The following BLOC1S3 variants were observed in gnomAD, a reference collection of about 807,000 sequenced individuals.
BLOC1S3 encodes the protein biogenesis of lysosome-related organelles complex 1 subunit 3.
BLOC1S3 carries 7 observed loss-of-function variants against 9.1 expected under a neutral mutation model. That is an observed-to-expected ratio of 0.77 (90% CI 0.44 to 1.45). The LOEUF (loss-of-function observed/expected upper bound fraction) is 1.45, where lower values mean the gene tolerates loss of function less well. Among genes scored for constraint, BLOC1S3 ranks in the 40% most tolerant of loss-of-function variants. The pLI is 0.01. For synonymous variants in BLOC1S3, 145 were observed against 158.4 expected, an observed-to-expected ratio of 0.92 and a Z score of 0.64; for missense variants, 307 against 315.2, an observed-to-expected ratio of 0.97 and a Z score of 0.20.
chr19:45,197,036 C>A (rs1156583218), intron 2 of BLOC1S3, among the ~76,000 whole-genome samples: 1 of 151,876 alleles, frequency 6.6e-6, no homozygotes, highest in Non-Finnish European at 1.5e-5. Context: ...GTTTCCTGGG[C>A]ACAGGGACCC....
At chr19:45,185,094 A>G (rs576295987), downstream of BLOC1S3, among the ~76,000 whole-genome samples, 2 of 152,064 alleles carry the variant, frequency 1.3e-5, no homozygotes, top group South Asian at 4.1e-4. Flanking sequence ...ATTGTCCTGC[A>G]GTAGGTAAGA....
intron 2 of BLOC1S3, among the ~76,000 whole-genome samples, chr19:45,195,157 C>A (rs1441513731): frequency 3.3e-5 from 5 of 152,054 alleles, no homozygotes; most frequent in Non-Finnish European, 7.4e-5. Flanking sequence ...GATCCACCCA[C>A]CTCTGCCTCC....
intron 2 of BLOC1S3, among the ~76,000 whole-genome samples, chr19:45,188,031 A>T (rs1969578210): frequency 1.3e-5 from 2 of 151,030 alleles, no homozygotes; most frequent in Admixed American, 6.6e-5. Context: ...CCAATTACAC[A>T]TTTTTTTTTG....
At chr19:45,203,080 C>T (rs910873692) in intron 3 of BLOC1S3, among the ~76,000 whole-genome samples, 1 of 151,684 alleles carries the variant, frequency 6.6e-6, no homozygotes, top group East Asian at 1.9e-4. Context: ...AGGAAGGAGT[C>T]TCTCCCGGAA....
intron 3 of BLOC1S3, chr19:45,213,031 C>T (rs1568478148): frequency 7.6e-6 from 11 of 1,451,676 alleles, no homozygotes; most frequent in Non-Finnish European, 9.0e-6. Context: ...TTGTCAGCAG[C>T]ATAGATGGGG....
At chr19:45,198,048 A>G (rs1413287865) in intron 2 of BLOC1S3, among the ~76,000 whole-genome samples, 1 of 152,032 alleles carries the variant, frequency 6.6e-6, no homozygotes, top group Non-Finnish European at 1.5e-5. Flanking sequence ...CAGAAAATTG[A>G]GAAGAGATAA....
chr19:45,215,880 G>A (rs115906914), intron 3 of BLOC1S3, among the ~76,000 whole-genome samples: 3,940 of 152,248 alleles, frequency 0.026, 186 homozygotes, highest in African/African-American at 0.09. Flanking sequence ...TGGCGGTGGC[G>A]GCGGAGGCAG....
chr19:45,190,370 C>T (rs1969595373), intron 2 of BLOC1S3, among the ~76,000 whole-genome samples: 1 of 151,340 alleles, frequency 6.6e-6, no homozygotes, highest in Non-Finnish European at 1.5e-5. Context: ...CTCTCTCTCT[C>T]TCTCTCCCCC....
intron 2 of BLOC1S3, among the ~76,000 whole-genome samples, chr19:45,196,353 G>C (rs1430602345): frequency 6.6e-6 from 1 of 152,132 alleles, no homozygotes; most frequent in Non-Finnish European, 1.5e-5. Flanking sequence ...AGTCTAGCCT[G>C]GGTGACATAG....
intron 3 of BLOC1S3, among the ~76,000 whole-genome samples, chr19:45,210,542 GC>G (rs1299740726): frequency 6.6e-6 from 1 of 150,826 alleles, no homozygotes; most frequent in Non-Finnish European, 1.5e-5. Flanking sequence ...CACATGATCC[GC>G]CCACCTCGGC....
At chr19:45,182,915 A>G (rs1367208789), downstream of BLOC1S3, among the ~76,000 whole-genome samples, 1 of 152,064 alleles carries the variant, frequency 6.6e-6, no homozygotes, top group Non-Finnish European at 1.5e-5. Flanking sequence ...CACCTGACCT[A>G]ATCTGGGCGG....
downstream of BLOC1S3, among the ~76,000 whole-genome samples, chr19:45,183,456 A>G (rs369764518): frequency 8.0e-5 from 12 of 149,546 alleles, no homozygotes; most frequent in African/African-American, 3.0e-4. Flanking sequence ...AGCCCAGGGG[A>G]CAGAGCAAGA....
chr19:45,206,534 C>T lies in BLOC1S3; in HGVS notation n.282+4027C>T, dbSNP rs532787831. Among the ~76,000 whole-genome samples, 5 of 127,824 alleles carry T rather than the reference C, an allele frequency of 3.9e-5. No individual in the cohort carries two copies. The East Asian group carries it at 1.3e-3, about 33-fold the overall frequency. The allele number at this position is 127,824 out of a possible 152,430, so 83.9% of individuals were successfully genotyped here. A position where few individuals can be genotyped will look rare whatever the true frequency, so the allele number is the denominator to read the frequency against. On this transcript the variant is annotated intron_variant and non_coding_transcript_variant, in intron 3 of 3. Coordinates refer to the BLOC1S3 transcript ENST00000591569. ...GCAGTGGTGTGATCATGGCTCACTTCTGCCTCGAACTCCTGGACAAAAGTG... is the reference window on the plus strand; with the variant it reads ...GCAGTGGTGTGATCATGGCTCACTTTTGCCTCGAACTCCTGGACAAAAGTG...
downstream of BLOC1S3, among the ~76,000 whole-genome samples, chr19:45,186,175 G>T (rs1390041852): frequency 6.6e-6 from 1 of 152,004 alleles, no homozygotes; most frequent in Non-Finnish European, 1.5e-5. Context: ...GGTGAGACTG[G>T]GTCTGTCCTG....
At chr19:45,194,660 C>T (rs1969633882) in intron 2 of BLOC1S3, among the ~76,000 whole-genome samples, 1 of 152,086 alleles carries the variant, frequency 6.6e-6, no homozygotes, top group African/African-American at 2.4e-5. Flanking sequence ...TTCTGCTGTA[C>T]ACAACATGAA....
chr19:45,212,860 A>G (rs929167542), intron 3 of BLOC1S3: 7 of 516,028 alleles, frequency 1.4e-5, no homozygotes, highest in Non-Finnish European at 2.2e-5. Flanking sequence ...TCAGCCTCCC[A>G]AAGTGTTGGG....
chr19:45,211,737 G>A lies in BLOC1S3; in HGVS notation n.283-4939G>A, dbSNP rs73939817. ...CCTCCCCAAGTTCAAATGTGCATGC[G>A]TGAAGTTCCAAACCCAGCCCCAGTG... On this transcript the variant is annotated intron_variant and non_coding_transcript_variant, in intron 3 of 3. Transcript: ENST00000591569. Among the ~76,000 whole-genome samples the A allele has an allele frequency of 7.7e-3, 1,171 of 151,530 alleles. 12 individuals carry two copies. The highest frequency in any genetic ancestry group is 0.027 in the African/African-American group (1,098 of 41,306).
chr19:45,186,415 G>C (rs558941893), downstream of BLOC1S3, among the ~76,000 whole-genome samples: 1 of 151,988 alleles, frequency 6.6e-6, no homozygotes, highest in East Asian at 1.9e-4. Context: ...CTCCTACCTC[G>C]GCCTCCTAAA....
At chr19:45,186,104 C>T (rs948596629), downstream of BLOC1S3, among the ~76,000 whole-genome samples, 4 of 151,904 alleles carry the variant, frequency 2.6e-5, no homozygotes, top group African/African-American at 9.7e-5. Context: ...CACAGCAAGA[C>T]TCTGTCTCAA....
Sources: gnomAD v4.1 joint callset for allele counts (sites outside exome capture counted in the v4.1 genomes callset) on GRCh38, gnomAD v4.1.1 for gene constraint, MANE v1.5 for transcripts, NCBI Gene and HGNC (gene_info 2026-07-23, HGNC 2026-07-21) for gene names.